Variants in SBF2 observed in about 807,000 individuals in gnomAD.
SBF2 encodes the protein myotubularin-related protein 13.
SBF2 carries 112 observed loss-of-function variants against 225.2 expected under a neutral mutation model. The ratio of observed to expected loss-of-function variants is 0.50; its 90% CI spans 0.43 to 0.58. The LOEUF is 0.58. Among genes scored for constraint, SBF2 ranks in the 20% least tolerant of loss-of-function variants. The pLI, the probability that SBF2 is intolerant of heterozygous loss-of-function variation, is 0.00. For missense variants in SBF2, 1,996 were observed against 2,206.2 expected (o/e 0.90, Z 1.91); for synonymous variants, 763 against 773.3 (o/e 0.99, Z 0.22).
intron 2 of SBF2, among the ~76,000 whole-genome samples, chr11:10,159,757 G>A (rs888877724): frequency 2.0e-5 from 3 of 152,114 alleles, no homozygotes; most frequent in Non-Finnish European, 4.4e-5. Flanking sequence ...GGGCGCAGTG[G>A]CGGGTGCCTA....
intron 2 of SBF2, among the ~76,000 whole-genome samples, chr11:10,159,344 TG>T (rs1299542406): frequency 2.9e-4 from 44 of 152,234 alleles, no homozygotes; most frequent in African/African-American, 1.1e-3. Flanking sequence ...TTAGAAATTA[TG>T]GTTTAGGAGT....
chr11:9,921,219 C>T (rs546442356), intron 16 of SBF2, among the ~76,000 whole-genome samples: 17 of 152,016 alleles, frequency 1.1e-4, no homozygotes, highest in South Asian at 6.2e-4. Flanking sequence ...TACAGGCATA[C>T]GCCACCATGC....
At chr11:9,817,566 AAAC>A (rs2133912377) in intron 28 of SBF2, among the ~76,000 whole-genome samples, 2 of 135,624 alleles carry the variant, frequency 1.5e-5, no homozygotes, top group African/African-American at 6.3e-5. Flanking sequence ...ATGTAATTCT[AAAC>A]AAGATTATAT....
intron 16 of SBF2, among the ~76,000 whole-genome samples, chr11:9,900,984 A>G (rs558771514): frequency 5.7e-4 from 87 of 152,018 alleles, no homozygotes; most frequent in African/African-American, 2.0e-3. Flanking sequence ...TTCTGCCTCC[A>G]CCTCTCAAAA....
chr11:9,931,613 C>G (rs1390898605), intron 16 of SBF2, among the ~76,000 whole-genome samples: 1 of 152,180 alleles, frequency 6.6e-6, no homozygotes, highest in African/African-American at 2.4e-5. Context: ...TACACCAAAA[C>G]CCCATCTGTA....
upstream of SBF2, among the ~76,000 whole-genome samples, chr11:10,295,847 G>C (rs1964510385): frequency 6.6e-6 from 1 of 151,994 alleles, no homozygotes; most frequent in Non-Finnish European, 1.5e-5. Context: ...AGATTTTTAA[G>C]GCAGCTATCA....
chr11:10,085,064 A>G (rs1951511897), intron 2 of SBF2, among the ~76,000 whole-genome samples: 1 of 152,240 alleles, frequency 6.6e-6, no homozygotes, highest in African/African-American at 2.4e-5. Context: ...TCGCACATGC[A>G]TTCCACAAAT....
intron 17 of SBF2, among the ~76,000 whole-genome samples, chr11:9,873,819 C>T (rs918710388): frequency 3.3e-5 from 5 of 152,116 alleles, no homozygotes; most frequent in East Asian, 3.8e-4. Flanking sequence ...GAGGCCGAGG[C>T]GGGTGGATCA....
At chr11:10,098,430 T>C (rs1214919709) in intron 2 of SBF2, among the ~76,000 whole-genome samples, 8 of 150,246 alleles carry the variant, frequency 5.3e-5, no homozygotes, top group Non-Finnish European at 8.9e-5. Context: ...GAAGATAACA[T>C]CTTCTTTGAA....
chr11:10,205,347 T>C (rs750312103), intron 1 of SBF2, among the ~76,000 whole-genome samples: 4 of 152,064 alleles, frequency 2.6e-5, no homozygotes, highest in Admixed American at 6.5e-5. Context: ...CACAATGGTA[T>C]AGACTCATTT....
intron 32 of SBF2, among the ~76,000 whole-genome samples, chr11:9,804,790 G>A (rs1853700087): frequency 6.6e-6 from 1 of 152,142 alleles, no homozygotes; most frequent in African/African-American, 2.4e-5. Flanking sequence ...CCCTTTGTGT[G>A]CTGAGTGGTA....
chr11:10,015,199 A>G (rs1468755272), intron 6 of SBF2, among the ~76,000 whole-genome samples: 1 of 152,140 alleles, frequency 6.6e-6, no homozygotes, highest in African/African-American at 2.4e-5. Context: ...TCCATAATGT[A>G]CTATGATTAT....
chr11:10,065,249 G>T (rs1050878488), intron 2 of SBF2, among the ~76,000 whole-genome samples: 17 of 152,074 alleles, frequency 1.1e-4, no homozygotes, highest in Admixed American at 1.1e-3. Context: ...ATAAAAATTT[G>T]TAGGATGCTA....
chr11:9,909,950 T>C (rs1014037579), intron 16 of SBF2, among the ~76,000 whole-genome samples: 21 of 152,088 alleles, frequency 1.4e-4, no homozygotes, highest in African/African-American at 5.1e-4. Flanking sequence ...GCTGAGGCTG[T>C]TGGGCAGAAA....
intron 6 of SBF2, among the ~76,000 whole-genome samples, chr11:10,026,085 T>C (rs1441978927): frequency 6.6e-6 from 1 of 151,842 alleles, no homozygotes; most frequent in Non-Finnish European, 1.5e-5. Context: ...AAAATGCTTC[T>C]GGCACCTAAA....
chr11:9,816,951 C>T lies in SBF2; in HGVS notation c.3867G>A (p.Arg1289=). ...AGGCCGAGTGATCCTTGCCTGCCAG[C>T]CGGGCGCCAACATCAATGAAGGATG... The part of the protein sequence containing the change: ...SPTSFIDVGA[R]LAGKDHSASF... Residue 1289 remains arginine, a synonymous_variant, in exon 29 of 40, where the codon CGG becomes CGA. Coordinates refer to ENST00000256190, the MANE Select transcript of SBF2 (RefSeq NM_030962.4). 3 of 1,614,136 alleles carry T rather than the reference C, an allele frequency of 1.9e-6. No individual in the cohort carries two copies. In the South Asian group the frequency reaches 3.3e-5, roughly 18 times the overall value.
Position 10,294,169 on chromosome 11 carries a change from G to C in SBF2, c.-100C>G, listed in dbSNP as rs1964363892. 1.4e-5 allele frequency: 13 copies of C among 917,466 alleles called. No individual in the cohort carries two copies. In the Admixed American group the frequency reaches 4.4e-4, roughly 31 times the overall value. 56.8% of individuals were successfully genotyped at this position (917,466 alleles called of 1,614,324 possible). ...GCTCAGCATTTTCCCTGCAGCGGCA[G>C]TAGCGGCAGCGGCAGCGCTTCAGCC... On this transcript the variant is annotated 5_prime_UTR_variant, in exon 1 of 40. Transcript: ENST00000256190.
intron 13 of SBF2, among the ~76,000 whole-genome samples, chr11:9,977,851 C>T (rs1339352421): frequency 6.6e-6 from 1 of 151,944 alleles, no homozygotes; most frequent in Admixed American, 6.6e-5. Context: ...ACTCACATTC[C>T]TAAAATCTCA....
At chr11:10,068,711 T>A (rs888913864) in intron 2 of SBF2, among the ~76,000 whole-genome samples, 2 of 151,024 alleles carry the variant, frequency 1.3e-5, no homozygotes, top group African/African-American at 2.4e-5. Context: ...TTATTACTAA[T>A]ATTATTACCG....
Sources: gnomAD v4.1 joint callset for allele counts (sites outside exome capture counted in the v4.1 genomes callset) on GRCh38, gnomAD v4.1.1 for gene constraint, MANE v1.5 for transcripts, NCBI Gene and HGNC (gene_info 2026-07-23, HGNC 2026-07-21) for gene names.